Variants in MTA1 observed in about 807,000 individuals in gnomAD.
The protein encoded by MTA1 is metastasis associated 1, also known as metastasis-associated protein MTA1.
MTA1 carries 15 observed loss-of-function variants against 97.0 expected under a neutral mutation model. The observed-to-expected ratio is 0.15, with a 90% CI of 0.10 to 0.24. MTA1 has a LOEUF of 0.24. Ranked by LOEUF, MTA1 falls within the 10% of genes least tolerant of loss-of-function variation. MTA1 has a pLI of 1.00. For missense variants in MTA1, 709 were observed against 1,015.1 expected, an observed-to-expected ratio of 0.70 and a Z score of 4.10; for synonymous variants, 435 against 417.5, an observed-to-expected ratio of 1.04 and a Z score of -0.51.
chr14:105,445,007 G>C (rs1490684073), intron 2 of MTA1, among the ~76,000 whole-genome samples: 1 of 152,178 alleles, frequency 6.6e-6, no homozygotes, highest in Non-Finnish European at 1.5e-5. Context: ...GGTCCAGGCT[G>C]CGTCCGCCGC....
At chr14:105,450,471 C>A in intron 6 of MTA1, 147 bp downstream of exon 6, 1 of 909,038 alleles carries the variant, frequency 1.1e-6, no homozygotes, top group Non-Finnish European at 1.6e-6. Flanking sequence ...GGGATTGCGT[C>A]CTGACTGTCA....
chr14:105,434,490 C>CTTT (rs140991917), intron 1 of MTA1, among the ~76,000 whole-genome samples: 1 of 86,952 alleles, frequency 1.2e-5, no homozygotes, highest in African/African-American at 3.7e-5. Context: ...AGAAAGAGGA[C>CTTT]TTTTTTTTTT....
intron 3 of MTA1, among the ~76,000 whole-genome samples, chr14:105,447,608 A>G (rs1396486803): frequency 1.3e-5 from 2 of 152,108 alleles, no homozygotes; most frequent in African/African-American, 4.8e-5. Flanking sequence ...CAGCTCGAGC[A>G]CTGGCCCCCC....
In MTA1 at chr14:105,463,462, G is replaced by A. The variant is rs374967937; in HGVS notation, c.1018-31G>A. On this transcript the variant is annotated intron_variant, in intron 11 of 20. Coordinates refer to ENST00000331320, the MANE Select transcript of MTA1 (RefSeq NM_004689.4). The surrounding 1 kb of genome is among the most constrained non-coding windows in gnomAD (Gnocchi z 5.9). ...TGCAGCCCCAACCTGGGCCTAGCCT[G>A]CTGACCTCTGACCTTCTCTTTTGTT... 19 of 1,612,306 alleles carry A rather than the reference G, an allele frequency of 1.2e-5. No individual in the cohort carries two copies. The highest frequency in any genetic ancestry group is 3.3e-5 in the South Asian group (3 of 91,054).
At chr14:105,445,831 C>T (rs1026297104) in intron 3 of MTA1, 3 of 419,046 alleles carry the variant, frequency 7.2e-6, no homozygotes, top group Non-Finnish European at 1.4e-5. Context: ...TCTATGATGA[C>T]TTCTGGAGAC....
chr14:105,467,761 T>G (rs1555433266), intron 18 of MTA1: 1 of 303,046 alleles, frequency 3.3e-6, no homozygotes, highest in Non-Finnish European at 6.4e-6. Context: ...TGGGCTGGCT[T>G]TACTTGTCTG....
At chr14:105,425,249 C>T (rs1173438704) in intron 1 of MTA1, among the ~76,000 whole-genome samples, 1 of 152,180 alleles carries the variant, frequency 6.6e-6, no homozygotes, top group Non-Finnish European at 1.5e-5. Context: ...TTAGACCCTA[C>T]CTTAGACTCC....
At chr14:105,453,503 A>G (rs1293567919) in intron 6 of MTA1, among the ~76,000 whole-genome samples, 3 of 151,144 alleles carry the variant, frequency 2.0e-5, no homozygotes, top group African/African-American at 4.9e-5. Context: ...GAGCGAGACC[A>G]TGTTTCGAAA....
chr14:105,468,057 C>T (rs1595431777), intron 18 of MTA1: 3 of 346,062 alleles, frequency 8.7e-6, no homozygotes, highest in Admixed American at 3.8e-5. Flanking sequence ...TGACGTGTAG[C>T]GGCCAGGACC....
At chr14:105,466,256 C>T in intron 16 of MTA1, 170 bp from the exon 17 acceptor site, 1 of 624,694 alleles carries the variant, frequency 1.6e-6, no homozygotes, top group Middle Eastern at 4.3e-4. Context: ...GCTTCTGGTT[C>T]TGTGGTGACC....
At position 105,470,591 on chromosome 14, in the gene MTA1, T is replaced by C. The variant is rs1385773518; in HGVS notation, c.*376T>C. The C allele has an allele frequency of 5.4e-6, 1 of 186,048 alleles. No individual in the cohort carries two copies. 11.5% of individuals were successfully genotyped at this position (186,048 alleles called of 1,614,324 possible). On this transcript the variant is annotated 3_prime_UTR_variant, in exon 21 of 21. Coordinates refer to ENST00000331320, the MANE Select transcript of MTA1 (RefSeq NM_004689.4). The stretch of plus-strand genomic sequence containing the variant: ...TTTTTGTAGATGAACTTGAGCTCTG[T>C]AACTTACACCTGGAATGTTAGGATC...
intron 2 of MTA1, among the ~76,000 whole-genome samples, chr14:105,439,481 C>T (rs2082435941): frequency 6.6e-6 from 1 of 152,214 alleles, no homozygotes; most frequent in South Asian, 2.1e-4. Flanking sequence ...GTCCCATCAG[C>T]TCGGGAGACA....
At chr14:105,443,104 G>A (rs1165686335) in intron 2 of MTA1, among the ~76,000 whole-genome samples, 3 of 152,204 alleles carry the variant, frequency 2.0e-5, no homozygotes, top group Non-Finnish European at 2.9e-5. Flanking sequence ...CACTGCGGTG[G>A]AGCCTGTCAG....
intron 3 of MTA1, among the ~76,000 whole-genome samples, chr14:105,446,410 G>T (rs2082719672): frequency 6.6e-6 from 1 of 152,236 alleles, no homozygotes; most frequent in Non-Finnish European, 1.5e-5. Flanking sequence ...TGTCGCTGGG[G>T]TGGGCCAAGG....
chr14:105,448,564 A>G (rs1555427793), intron 3 of MTA1, among the ~76,000 whole-genome samples: 2 of 152,198 alleles, frequency 1.3e-5, no homozygotes, highest in South Asian at 2.1e-4. Flanking sequence ...GTGGGTCCCC[A>G]GAAGTGGGAG....
chr14:105,441,523 A>T (rs146781657), intron 2 of MTA1, among the ~76,000 whole-genome samples: 4 of 152,178 alleles, frequency 2.6e-5, no homozygotes, highest in African/African-American at 7.2e-5. Context: ...GGCTGGACGC[A>T]GGGGCTCACG....
Position 105,429,752 on chromosome 14 carries a change from C to CTTTTTTTTT in MTA1, c.29-8907_29-8899dup, listed in dbSNP as rs59028638. Among the ~76,000 whole-genome samples, 20 of 50,574 alleles carry CTTTTTTTTT rather than the reference C, an allele frequency of 4.0e-4. 2 individuals are homozygous for CTTTTTTTTT. Among genetic ancestry groups the CTTTTTTTTT allele is most frequent in the African/African-American group, 8.1e-4 (9 of 11,154 alleles). 33.2% of individuals were successfully genotyped at this position (50,574 alleles called of 152,430 possible). On this transcript the variant is annotated intron_variant, in intron 1 of 20. Coordinates refer to ENST00000331320, the MANE Select transcript of MTA1 (RefSeq NM_004689.4). ...ACAGACGTGAGCCACTGCGCCCGGC[C>CTTTTTTTTT]TTTTTTTTTTTTTTTTTTTTTGGTG...
intron 1 of MTA1, among the ~76,000 whole-genome samples, chr14:105,433,348 C>G (rs1316544015): frequency 1.3e-5 from 2 of 152,152 alleles, no homozygotes; most frequent in Non-Finnish European, 2.9e-5. Flanking sequence ...TGCCCTCGGT[C>G]CCTCCGTCTC....
At chr14:105,439,150 CTG>C (rs2082420892) in intron 2 of MTA1, among the ~76,000 whole-genome samples, 1 of 151,006 alleles carries the variant, frequency 6.6e-6, no homozygotes. Flanking sequence ...GCTGTGAGCT[CTG>C]CCCCCACCCC....
Sources: gnomAD v4.1 joint callset for allele counts (sites outside exome capture counted in the v4.1 genomes callset) on GRCh38, gnomAD v4.1.1 for gene constraint, Gnocchi (gnomAD v3.1) non-coding constraint, MANE v1.5 for transcripts, NCBI Gene and HGNC (gene_info 2026-07-23, HGNC 2026-07-21) for gene names.